Variants in KCNB2 observed in about 807,000 individuals in gnomAD.
KCNB2 encodes potassium voltage-gated channel subfamily B member 2, also known as delayed rectifier potassium channel protein.
In KCNB2, 15 loss-of-function variants were observed where a neutral mutation model predicts 61.5. That is an observed-to-expected ratio of 0.24 (90% CI 0.16 to 0.38). The LOEUF (loss-of-function observed/expected upper bound fraction) is 0.38, where lower values mean the gene tolerates loss of function less well. KCNB2 is among the 10% of genes least tolerant of loss of function. The pLI is 1.00. For missense variants in KCNB2, 828 were observed against 1,125.2 expected (o/e 0.74, Z 3.78); for synonymous variants, 457 against 446.0 (o/e 1.02, Z -0.31).
intron 2 of KCNB2, among the ~76,000 whole-genome samples, chr8:72,695,427 A>C (rs1807003432): frequency 6.6e-6 from 1 of 152,174 alleles, no homozygotes; most frequent in Admixed American, 6.5e-5. Context: ...TATTTAAATA[A>C]GTATAGAGTT....
At chr8:72,832,238 C>G (rs921162328) in intron 2 of KCNB2, among the ~76,000 whole-genome samples, 2 of 152,158 alleles carry the variant, frequency 1.3e-5, no homozygotes, top group Non-Finnish European at 2.9e-5. Flanking sequence ...GAATGTCAGC[C>G]TAAACTCTTT....
At chr8:72,589,570 A>G (rs1807054209) in intron 2 of KCNB2, among the ~76,000 whole-genome samples, 1 of 152,204 alleles carries the variant, frequency 6.6e-6, no homozygotes, top group African/African-American at 2.4e-5. Flanking sequence ...GCTTACAGCC[A>G]TCCTACGGAA....
At chr8:72,932,952 A>G (rs959837420) in intron 2 of KCNB2, among the ~76,000 whole-genome samples, 1 of 151,944 alleles carries the variant, frequency 6.6e-6, no homozygotes, top group Non-Finnish European at 1.5e-5. Flanking sequence ...TTCTGGGAGA[A>G]CTCCAAGCTT....
intron 2 of KCNB2, among the ~76,000 whole-genome samples, chr8:72,739,906 A>G (rs1434080546): frequency 3.9e-5 from 6 of 152,168 alleles, no homozygotes; most frequent in Non-Finnish European, 8.8e-5. Context: ...AAGTTGTGCC[A>G]TGTACAATAC....
intron 2 of KCNB2, among the ~76,000 whole-genome samples, chr8:72,732,574 G>T (rs181962999): frequency 4.6e-5 from 7 of 152,314 alleles, no homozygotes; most frequent in Admixed American, 1.3e-4. Flanking sequence ...TGCAAGAATT[G>T]ATGAGCTAAG....
At chr8:72,678,645 T>G (rs1806702323) in intron 2 of KCNB2, among the ~76,000 whole-genome samples, 1 of 152,266 alleles carries the variant, frequency 6.6e-6, no homozygotes, top group Non-Finnish European at 1.5e-5. Flanking sequence ...AGTTATTCTC[T>G]ATCCTTCTTG....
chr8:72,687,841 A>T (rs2128989753), intron 2 of KCNB2, among the ~76,000 whole-genome samples: 1 of 152,306 alleles, frequency 6.6e-6, no homozygotes, highest in Non-Finnish European at 1.5e-5. Context: ...CATGTTTTAG[A>T]GGCCCAGAAA....
At chr8:72,654,813 C>T (rs932484807) in intron 2 of KCNB2, among the ~76,000 whole-genome samples, 14 of 152,046 alleles carry the variant, frequency 9.2e-5, no homozygotes, top group South Asian at 4.2e-4. Flanking sequence ...ATACTGCTGA[C>T]GAGGTTACGG....
Position 72,570,570 on chromosome 8 carries a change from GT to G in KCNB2, c.579+2267del, listed in dbSNP as rs553226244. 6.7e-4 allele frequency among the ~76,000 whole-genome samples: 99 copies of G among 148,000 alleles called. 1 individual carries two copies. The highest frequency in any genetic ancestry group is 2.3e-3 in the African/African-American group (93 of 40,430). On this transcript the variant is annotated intron_variant, in intron 2 of 2. Transcript: ENST00000523207. ...GTACTCTTCACGAGTCCTATAACTT[GT>G]TTTTTTTTTCTTTCTGGAGTAATTC...
intron 2 of KCNB2, among the ~76,000 whole-genome samples, chr8:72,934,623 A>C (rs1176508295): frequency 6.6e-6 from 1 of 152,126 alleles, no homozygotes; most frequent in Admixed American, 6.5e-5. Context: ...CTAGATGCTC[A>C]ATCTCTAAAT....
intron 1 of KCNB2, among the ~76,000 whole-genome samples, chr8:72,556,024 A>C (rs1417396258): frequency 5.3e-5 from 8 of 152,106 alleles, no homozygotes; most frequent in Non-Finnish European, 8.8e-5. Context: ...TGTTGCAACC[A>C]TAATTATTAT....
At chr8:72,645,008 G>A (rs1206784400) in intron 2 of KCNB2, among the ~76,000 whole-genome samples, 1 of 152,120 alleles carries the variant, frequency 6.6e-6, no homozygotes, top group Admixed American at 6.5e-5. Flanking sequence ...AGCAAACAGT[G>A]CCAGAGTTTC....
intron 2 of KCNB2, among the ~76,000 whole-genome samples, chr8:72,831,612 A>T (rs1172110919): frequency 6.6e-6 from 1 of 152,242 alleles, no homozygotes; most frequent in Non-Finnish European, 1.5e-5. Flanking sequence ...AAAGGTTATC[A>T]AACTAATGTA....
intron 2 of KCNB2, among the ~76,000 whole-genome samples, chr8:72,669,606 T>G (rs1464705051): frequency 6.6e-6 from 1 of 152,232 alleles, no homozygotes; most frequent in African/African-American, 2.4e-5. Context: ...TATTCTTTTA[T>G]TGTAATGAAA....
intron 2 of KCNB2, among the ~76,000 whole-genome samples, chr8:72,802,206 G>A (rs373205995): frequency 2.0e-5 from 3 of 152,136 alleles, no homozygotes; most frequent in African/African-American, 4.8e-5. Context: ...CAACTGATGC[G>A]GTGATTTCAG....
chr8:72,728,662 T>A (rs995551847), intron 2 of KCNB2, among the ~76,000 whole-genome samples: 1 of 152,086 alleles, frequency 6.6e-6, no homozygotes, highest in Non-Finnish European at 1.5e-5. Flanking sequence ...GAAAATTAGC[T>A]GCACCTAAAT....
chr8:72,823,745 T>C (rs1809550632), intron 2 of KCNB2, among the ~76,000 whole-genome samples: 1 of 152,186 alleles, frequency 6.6e-6, no homozygotes, highest in Non-Finnish European at 1.5e-5. Flanking sequence ...ATTTTACAAA[T>C]GAAAAAGCCG....
At chr8:72,616,112 T>C (rs1805615438) in intron 2 of KCNB2, among the ~76,000 whole-genome samples, 2 of 152,228 alleles carry the variant, frequency 1.3e-5, no homozygotes, top group Admixed American at 1.3e-4. Context: ...TTCTCAATCA[T>C]GTCACCTTTT....
intron 2 of KCNB2, among the ~76,000 whole-genome samples, chr8:72,610,056 T>A (rs1805513501): frequency 6.6e-6 from 1 of 152,120 alleles, no homozygotes; most frequent in Admixed American, 6.5e-5. Flanking sequence ...CTTAATAATA[T>A]TTCAAAAAAA....
Sources: allele counts gnomAD v4.1 joint callset (sites outside exome capture counted in the v4.1 genomes callset), GRCh38; gene constraint gnomAD v4.1.1; transcripts MANE v1.5; gene names NCBI Gene and HGNC (gene_info 2026-07-23, HGNC 2026-07-21).